The following TRIM24 variants were observed in gnomAD, a reference collection of about 807,000 sequenced individuals.
TRIM24 encodes the protein transcription intermediary factor 1-alpha.
In TRIM24, 29 loss-of-function variants were observed where a neutral mutation model predicts 123.9. The observed-to-expected ratio is 0.23, with a 90% CI of 0.17 to 0.32. TRIM24 has a LOEUF of 0.32. TRIM24 is among the 10% of genes least tolerant of loss of function. The pLI, the probability that TRIM24 is intolerant of heterozygous loss-of-function variation, is 1.00. For synonymous variants in TRIM24, 456 were observed against 461.1 expected, an observed-to-expected ratio of 0.99 and a Z score of 0.14; for missense variants, 932 against 1,295.3, an observed-to-expected ratio of 0.72 and a Z score of 4.31.
chr7:138,501,014 T>C (rs1216080903), intron 1 of TRIM24, among the ~76,000 whole-genome samples: 1 of 152,042 alleles, frequency 6.6e-6, no homozygotes, highest in Admixed American at 6.6e-5. Flanking sequence ...ATGGTGGTGC[T>C]TGCAGGACTG....
chr7:138,567,728 T>G, intron 10 of TRIM24, 74 bp downstream of exon 10: 8 of 1,449,598 alleles, frequency 5.5e-6, no homozygotes, highest in Non-Finnish European at 7.4e-6. Context: ...AATTTACAGA[T>G]TAAGCAACAG....
chr7:138,534,276 T>C (rs1410171364), intron 6 of TRIM24, among the ~76,000 whole-genome samples: 1 of 152,206 alleles, frequency 6.6e-6, no homozygotes, highest in African/African-American at 2.4e-5. Context: ...TGTTTGCTCT[T>C]GCTTCTCTAG....
intron 12 of TRIM24, among the ~76,000 whole-genome samples, chr7:138,574,128 G>A (rs1342161775): frequency 6.6e-6 from 1 of 152,194 alleles, no homozygotes; most frequent in Non-Finnish European, 1.5e-5. Flanking sequence ...CTTCCAGGGG[G>A]AAATTGGTGT....
chr7:138,492,273 CAAAAAAAAAAAAAAAA>C (rs34380067), intron 1 of TRIM24, among the ~76,000 whole-genome samples: 1 of 60,028 alleles, frequency 1.7e-5, no homozygotes, highest in Non-Finnish European at 2.8e-5. Flanking sequence ...ACTCTGTCTC[CAAAAAAAAAAAAAAAA>C]AAAAAAAAAG....
chr7:138,494,987 A>G (rs950196848), intron 1 of TRIM24, among the ~76,000 whole-genome samples: 5 of 152,240 alleles, frequency 3.3e-5, no homozygotes, highest in Non-Finnish European at 7.3e-5. Flanking sequence ...GTAGATCTGT[A>G]TTCACTGTTA....
At chr7:138,493,729 A>G (rs1349817225) in intron 1 of TRIM24, among the ~76,000 whole-genome samples, 2 of 152,174 alleles carry the variant, frequency 1.3e-5, no homozygotes, top group Middle Eastern at 3.2e-3. Context: ...CACTATAGCA[A>G]CAGCGAGCCA....
chr7:138,529,327 AT>A, intron 6 of TRIM24, 97 bp downstream of exon 6: 3 of 621,024 alleles, frequency 4.8e-6, no homozygotes, highest in Non-Finnish European at 5.0e-6. Flanking sequence ...TAGTTGTTTC[AT>A]TGTGATTTAA....
rs113421781 is a variant in TRIM24 at position 138,550,318 on chromosome 7, G to GT, written c.1144-745_1144-744insT. 4.1e-5 allele frequency among the ~76,000 whole-genome samples: 6 copies of GT among 147,574 alleles called. No homozygotes were observed. In the East Asian group the frequency reaches 8.0e-4, roughly 20 times the overall value. ...TTGAGTGAGAGAAAGAGGAGTTGAT[G>GT]GTGTGTGTGTGTGTGTGTGTGTGTG... On this transcript the variant is annotated intron_variant, in intron 7 of 18. Transcript: ENST00000343526.
intron 1 of TRIM24, chr7:138,490,811 A>G (rs1795764554): frequency 4.2e-5 from 20 of 474,688 alleles, no homozygotes; most frequent in South Asian, 2.7e-4. Context: ...GAATCAATGT[A>G]TTGACCACAT....
chr7:138,517,523 A>T (rs1796425644), intron 3 of TRIM24, among the ~76,000 whole-genome samples: 1 of 152,052 alleles, frequency 6.6e-6, no homozygotes, highest in African/African-American at 2.4e-5. Flanking sequence ...TAATCCCTGT[A>T]CCACCATGCC....
chr7:138,502,050 A>G (rs927015406), intron 1 of TRIM24, among the ~76,000 whole-genome samples: 3 of 152,192 alleles, frequency 2.0e-5, no homozygotes, highest in Non-Finnish European at 4.4e-5. Flanking sequence ...AGGATTTACT[A>G]ACATTTGGTT....
At chr7:138,518,075 A>G (rs1796436347) in intron 3 of TRIM24, among the ~76,000 whole-genome samples, 1 of 152,224 alleles carries the variant, frequency 6.6e-6, no homozygotes, top group South Asian at 2.1e-4. Context: ...TAATTTTCAT[A>G]TGTTTATTTC....
intron 6 of TRIM24, among the ~76,000 whole-genome samples, chr7:138,533,770 G>A (rs1046668743): frequency 6.6e-6 from 1 of 152,138 alleles, no homozygotes; most frequent in African/African-American, 2.4e-5. Context: ...CTATTCGTTG[G>A]AATAGTTTCA....
At chr7:138,567,847 T>G (rs1381043353) in intron 10 of TRIM24, among the ~76,000 whole-genome samples, 193 bp downstream of exon 10, 1 of 152,210 alleles carries the variant, frequency 6.6e-6, no homozygotes, top group African/African-American at 2.4e-5. Context: ...TATGTAGAAG[T>G]GATGGCCCAA....
chr7:138,519,682 T>G (rs1023807528), intron 4 of TRIM24, among the ~76,000 whole-genome samples: 1 of 152,168 alleles, frequency 6.6e-6, no homozygotes, highest in African/African-American at 2.4e-5. Context: ...ACACACTGTT[T>G]TAAAATATAT....
Position 138,554,910 on chromosome 7 carries a change from G to C in TRIM24, c.1474G>C (p.Gly492Arg), listed in dbSNP as rs146486738. 5.1e-5 allele frequency: 83 copies of C among 1,614,158 alleles called. No individual in the cohort carries two copies. In the Middle Eastern group the frequency reaches 9.9e-4, roughly 19 times the overall value. The change falls in exon 9 of 19, where the codon GGT becomes CGT. Residue 492 changes from glycine to arginine, a missense_variant. Gly to Arg is a moderately radical substitution (Grantham distance 125). This residue lies in a region of TRIM24 where 527 missense variants were observed against 691.3 expected (regional missense o/e 0.76). Coordinates refer to ENST00000343526, the MANE Select transcript of TRIM24 (RefSeq NM_015905.3). This position sits in a 1 kb window ranked among gnomAD's most constrained non-coding sequence, Gnocchi z 4.5. Reference protein sequence around the residue: ...QQVQRRPAPVGLPNPRMQGPI... With the variant: ...QQVQRRPAPVRLPNPRMQGPI... ...GGTGCAACGGAGGCCAGCACCTGTG[G>C]GTTTACCAAACCCTAGAATGCAGGG... is the stretch of plus-strand genomic sequence containing the variant.
intron 16 of TRIM24, 126 bp downstream of exon 16, chr7:138,580,820 T>G (rs889798587): frequency 2.1e-6 from 2 of 936,556 alleles, no homozygotes; most frequent in Non-Finnish European, 2.9e-6. Context: ...TATTTTTTTT[T>G]GTTTACAAAG....
Position 138,460,752 on chromosome 7 carries a change from C to G in TRIM24, c.204C>G (p.Pro68=). 6.3e-7 allele frequency: 1 copy of G among 1,577,906 alleles called. No homozygotes were observed. The highest frequency in any genetic ancestry group is 8.6e-7 in the Non-Finnish European group (1 of 1,165,086). Reference sequence around the variant, plus strand: ...ACCAGAACATCCAGAGCCGGGCGCCCAAGCTGCTGCCCTGCCTGCACTCTT... The same window carrying G: ...ACCAGAACATCCAGAGCCGGGCGCCGAAGCTGCTGCCCTGCCTGCACTCTT... ...VCHQNIQSRA[P]KLLPCLHSFC... Residue 68 remains proline (P), a synonymous_variant, in exon 1 of 19, where the codon CCC becomes CCG. Transcript: ENST00000343526.
In TRIM24 at chr7:138,567,621, G is replaced by C. The variant is rs777218003; in HGVS notation, c.1671G>C (p.Gln557His). Residue 557 changes from glutamine to histidine, a missense_variant, in exon 10 of 19, where the codon CAG becomes CAC. By Grantham distance (24) the Gln-to-His change is conservative. Coordinates refer to ENST00000343526, the MANE Select transcript of TRIM24 (RefSeq NM_015905.3). ...AAGCAATAAAGCCAAACCCCCTACA[G>C]ATGGCTTTCTTGGCTCAACAAGCCA... The part of the protein sequence containing the change: ...PRQAIKPNPL[Q>H]MAFLAQQAIK... The C allele has an allele frequency of 6.2e-7, 1 of 1,612,762 alleles. No individual in the cohort carries two copies. Among genetic ancestry groups the C allele is most frequent in the Non-Finnish European group, 8.5e-7 (1 of 1,179,520 alleles).
Sources: allele counts gnomAD v4.1 joint callset (sites outside exome capture counted in the v4.1 genomes callset), GRCh38; gene constraint gnomAD v4.1.1; regional missense constraint gnomAD v4.1.1; non-coding constraint Gnocchi (gnomAD v3.1); transcripts MANE v1.5; gene names NCBI Gene and HGNC (gene_info 2026-07-23, HGNC 2026-07-21).